The following NALF1 variants were observed in gnomAD, a reference collection of about 807,000 sequenced individuals.
The protein encoded by NALF1 is family with sequence similarity 155 member A.
Under a neutral mutation model 48.4 loss-of-function variants are expected in NALF1, and 3 were observed. The observed-to-expected ratio is 0.06, with a 90% confidence interval of 0.03 to 0.16. The LOEUF (loss-of-function observed/expected upper bound fraction) is 0.16, where lower values mean the gene tolerates loss of function less well. Among genes scored for constraint, NALF1 ranks in the 10% least tolerant of loss-of-function variants. The pLI, the probability that NALF1 is intolerant of heterozygous loss-of-function variation, is 1.00. For missense variants in NALF1, 526 were observed against 571.5 expected (o/e 0.92, Z 0.81); for synonymous variants, 262 against 245.7 (o/e 1.07, Z -0.62).
intron 1 of NALF1, among the ~76,000 whole-genome samples, chr13:107,802,468 A>G (rs116567737): frequency 0.014 from 2,083 of 152,272 alleles, 52 homozygotes; most frequent in African/African-American, 0.048. Flanking sequence ...TTGTGCATGT[A>G]TATTTTCTTC....
At chr13:107,489,588 A>T (rs1375490028) in intron 1 of NALF1, among the ~76,000 whole-genome samples, 1 of 152,160 alleles carries the variant, frequency 6.6e-6, no homozygotes, top group Non-Finnish European at 1.5e-5. Flanking sequence ...TTGAAACTAG[A>T]CCACTTCCTT....
intron 1 of NALF1, among the ~76,000 whole-genome samples, chr13:107,855,809 G>A (rs1373354982): frequency 2.0e-5 from 3 of 152,198 alleles, no homozygotes; most frequent in Non-Finnish European, 4.4e-5. Context: ...AACTGAGTTT[G>A]CCCATGATGT....
At chr13:107,215,227 G>C (rs1183179071) in intron 1 of NALF1, among the ~76,000 whole-genome samples, 1 of 152,218 alleles carries the variant, frequency 6.6e-6, no homozygotes, top group Non-Finnish European at 1.5e-5. Flanking sequence ...TATCACTTGA[G>C]TATTATTCAT....
intron 1 of NALF1, among the ~76,000 whole-genome samples, chr13:107,628,130 G>A (rs1460636028): frequency 2.0e-5 from 3 of 152,000 alleles, no homozygotes; most frequent in Non-Finnish European, 2.9e-5. Context: ...GTTACCACAC[G>A]TGCAATGTTT....
chr13:107,758,374 T>G (rs913367746), intron 1 of NALF1, among the ~76,000 whole-genome samples: 3 of 152,226 alleles, frequency 2.0e-5, no homozygotes, highest in Admixed American at 6.5e-5. Flanking sequence ...AATTTTCATA[T>G]ATTAATAAAA....
At chr13:107,422,799 T>C (rs1566336118) in intron 1 of NALF1, among the ~76,000 whole-genome samples, 1 of 152,024 alleles carries the variant, frequency 6.6e-6, no homozygotes, top group Non-Finnish European at 1.5e-5. Context: ...ATGTTCCTTA[T>C]AAGGGAAAAG....
intron 1 of NALF1, among the ~76,000 whole-genome samples, chr13:107,455,556 C>G (rs34947968): frequency 0.22 from 32,950 of 151,996 alleles, 4,649 homozygotes; most frequent in African/African-American, 0.4. Flanking sequence ...ACCCAGAGTT[C>G]ATAGTTTACA....
chr13:107,776,640 T>C (rs978115203), intron 1 of NALF1, among the ~76,000 whole-genome samples: 8 of 152,234 alleles, frequency 5.3e-5, no homozygotes, highest in African/African-American at 1.9e-4. Flanking sequence ...ATAGATCTTA[T>C]GAATACAAAG....
At chr13:107,838,970 C>A (rs1879977407) in intron 1 of NALF1, among the ~76,000 whole-genome samples, 1 of 152,132 alleles carries the variant, frequency 6.6e-6, no homozygotes. Context: ...GCAGGTGCTT[C>A]CCCCTCACCT....
At chr13:107,550,801 G>T (rs1280378455) in intron 1 of NALF1, among the ~76,000 whole-genome samples, 1 of 152,002 alleles carries the variant, frequency 6.6e-6, no homozygotes. Flanking sequence ...TGTTAGTTTA[G>T]GTCCTGGCTC....
chr13:107,576,444 C>T lies in NALF1; in HGVS notation c.915+289238G>A, dbSNP rs116554521. ...TTTATACCCTACTACATGTCAGGAACTCTAAAGGGTGAGGGTGGGAAACCA... is the reference window on the plus strand; with the variant it reads ...TTTATACCCTACTACATGTCAGGAATTCTAAAGGGTGAGGGTGGGAAACCA... On this transcript the variant is annotated intron_variant, in intron 1 of 2. Transcript: ENST00000375915. Among the ~76,000 whole-genome samples, 1,318 of 152,270 alleles carry T rather than the reference C, an allele frequency of 8.7e-3. 24 individuals carry two copies. Among genetic ancestry groups the T allele is most frequent in the African/African-American group, 0.031 (1,281 of 41,560 alleles).
chr13:107,462,488 AGAAATGGGTATGT>A (rs1884935393), intron 1 of NALF1, among the ~76,000 whole-genome samples: 1 of 152,236 alleles, frequency 6.6e-6, no homozygotes, highest in Admixed American at 6.5e-5. Context: ...GGAAAATAAA[AGAAATGGGTATGT>A]GAAATGGGTG....
At chr13:107,706,478 A>G (rs1479599461) in intron 1 of NALF1, among the ~76,000 whole-genome samples, 1 of 152,230 alleles carries the variant, frequency 6.6e-6, no homozygotes, top group African/African-American at 2.4e-5. Context: ...ATTCTAAAGT[A>G]GATTTTCTTA....
intron 1 of NALF1, among the ~76,000 whole-genome samples, chr13:107,404,120 C>T (rs1883860960): frequency 6.6e-6 from 1 of 152,138 alleles, no homozygotes; most frequent in Non-Finnish European, 1.5e-5. Flanking sequence ...TGTAACTTCA[C>T]TCTAATTATC....
At chr13:107,495,439 T>A (rs1875297825) in intron 1 of NALF1, among the ~76,000 whole-genome samples, 1 of 152,204 alleles carries the variant, frequency 6.6e-6, no homozygotes, top group African/African-American at 2.4e-5. Flanking sequence ...CAATGCCAAA[T>A]AGACTCTGCT....
At chr13:107,271,956 A>G (rs1881185926) in intron 1 of NALF1, among the ~76,000 whole-genome samples, 1 of 151,654 alleles carries the variant, frequency 6.6e-6, no homozygotes, top group Non-Finnish European at 1.5e-5. Flanking sequence ...AGTAAGAATA[A>G]TCATGAGACC....
chr13:107,400,340 G>C (rs1003632593), intron 1 of NALF1, among the ~76,000 whole-genome samples: 14 of 152,056 alleles, frequency 9.2e-5, no homozygotes, highest in African/African-American at 3.4e-4. Context: ...AGAATAATTT[G>C]AATTAGAGAA....
chr13:107,625,818 A>C (rs147901057), intron 1 of NALF1, among the ~76,000 whole-genome samples: 1 of 152,098 alleles, frequency 6.6e-6, no homozygotes, highest in Non-Finnish European at 1.5e-5. Context: ...ACCTGACACT[A>C]AATAACTGTT....
At chr13:107,489,641 C>G (rs1417995174) in intron 1 of NALF1, among the ~76,000 whole-genome samples, 1 of 152,084 alleles carries the variant, frequency 6.6e-6, no homozygotes, top group East Asian at 1.9e-4. Context: ...TAAAGGCTTA[C>G]ATGTAAAGCA....
Sources: gnomAD v4.1 joint callset for allele counts (sites outside exome capture counted in the v4.1 genomes callset) on GRCh38, gnomAD v4.1.1 for gene constraint, MANE v1.5 for transcripts, NCBI Gene and HGNC (gene_info 2026-07-23, HGNC 2026-07-21) for gene names.